The following CACNG5 variants were observed in gnomAD, a reference collection of about 807,000 sequenced individuals.
CACNG5 encodes the protein calcium voltage-gated channel auxiliary subunit gamma 5, also known as voltage-dependent calcium channel gamma-5 subunit.
In CACNG5, 18 loss-of-function variants were observed where a neutral mutation model predicts 24.8. The ratio of observed to expected loss-of-function variants is 0.73; its 90% CI spans 0.50 to 1.08. The LOEUF is 1.08. CACNG5 is among the 50% of genes least tolerant of loss of function. CACNG5 has a pLI of 0.00. For synonymous variants in CACNG5, 157 were observed against 149.1 expected (o/e 1.05, Z -0.39); for missense variants, 349 against 367.9 (o/e 0.95, Z 0.42).
chr17:66,883,968 A>G (rs902325738), intron 4 of CACNG5, among the ~76,000 whole-genome samples: 2 of 152,080 alleles, frequency 1.3e-5, no homozygotes, highest in South Asian at 2.1e-4. Context: ...CCTTGTCTCT[A>G]CTAAACACAC....
In CACNG5 at chr17:66,885,015, G is replaced by A; in HGVS notation, c.603G>A (p.Met201Ile). 2 of 1,614,126 alleles carry A rather than the reference G, an allele frequency of 1.2e-6. No homozygotes were observed. The highest frequency in any genetic ancestry group is 1.3e-5 in the African/African-American group (1 of 75,028). ...SAGVMSVYLF[M>I]KRYTAEDMYR... Reference sequence around the variant, plus strand: ...GGGTGATGTCTGTGTACCTGTTTATGAAGCGGTACACCGCGGAGGACATGT... The same window carrying A: ...GGGTGATGTCTGTGTACCTGTTTATAAAGCGGTACACCGCGGAGGACATGT... The change falls in exon 6 of 6, where the codon ATG becomes ATA. Residue 201 changes from methionine (M) to isoleucine (I), a missense_variant. Coordinates refer to ENST00000533854, the MANE Select transcript of CACNG5 (RefSeq NM_145811.3).
intron 1 of CACNG5, among the ~76,000 whole-genome samples, chr17:66,862,560 C>T (rs190133226): frequency 6.6e-6 from 1 of 152,164 alleles, no homozygotes; most frequent in East Asian, 1.9e-4. Context: ...CCAAGAATAT[C>T]ACACTTCCCA....
At chr17:66,858,009 G>C (rs1976804886) in intron 1 of CACNG5, among the ~76,000 whole-genome samples, 1 of 152,178 alleles carries the variant, frequency 6.6e-6, no homozygotes, top group Non-Finnish European at 1.5e-5. Flanking sequence ...TCCTGTCTGG[G>C]CATGGGCTCC....
At chr17:66,884,844 C>T in intron 5 of CACNG5, 139 bp from the exon 6 acceptor site, 1 of 1,613,322 alleles carries the variant, frequency 6.2e-7, no homozygotes, top group Non-Finnish European at 8.5e-7. Flanking sequence ...CTCCTCCGGC[C>T]AGGATGTCCC....
rs1977249839 is a variant in CACNG5 at position 66,885,718 on chromosome 17, G to T, written c.*478G>T. On this transcript the variant is annotated 3_prime_UTR_variant, in exon 6 of 6. Transcript: ENST00000533854. ...CACCATCTGGCCGAAAGGTGACTCT[G>T]ATATAGAGGTCTGGCTGACTTAGAC... Among the ~76,000 whole-genome samples the T allele has an allele frequency of 6.6e-6, 1 of 152,246 alleles. No homozygotes were observed. Among genetic ancestry groups the T allele is most frequent in the Admixed American group, 6.5e-5 (1 of 15,290 alleles).
At chr17:66,879,168 C>T (rs1259014738) in intron 3 of CACNG5, 110 bp downstream of exon 3, 2 of 732,220 alleles carry the variant, frequency 2.7e-6, no homozygotes, top group Admixed American at 2.2e-5. Flanking sequence ...CCCTTAGACT[C>T]AGCTGGGTGT....
At position 66,884,638 on chromosome 17, in the gene CACNG5, G is replaced by A. The variant is rs147089270; in HGVS notation, c.547G>A (p.Ala183Thr). The A allele has an allele frequency of 8.1e-6, 13 of 1,614,128 alleles. No homozygotes were observed. Among genetic ancestry groups the A allele is most frequent in the South Asian group, 1.1e-5 (1 of 91,082 alleles). Residue 183 changes from alanine to threonine, a missense_variant, in exon 5 of 6, where the codon GCC becomes ACC. Transcript: ENST00000533854. ...YKYGWSFAFA[A>T]ISFLLTESAG... ...GTATGGGTGGTCGTTTGCCTTCGCC[G>A]CCATCTCCTTCCTTTTAACGGAGGT...
intron 2 of CACNG5, among the ~76,000 whole-genome samples, chr17:66,878,099 T>C (rs1006732719): frequency 6.6e-5 from 10 of 152,226 alleles, no homozygotes; most frequent in African/African-American, 2.4e-4. Context: ...TGGTAGAGGT[T>C]TTGACCCCAC....
At chr17:66,843,336 G>A (rs758661) in intron 1 of CACNG5, among the ~76,000 whole-genome samples, 2 of 151,776 alleles carry the variant, frequency 1.3e-5, no homozygotes, top group African/African-American at 4.9e-5. Flanking sequence ...GAAGGCAAAG[G>A]GGGACAGGAC....
At chr17:66,841,410 C>T (rs112453786) in intron 1 of CACNG5, among the ~76,000 whole-genome samples, 12,947 of 152,248 alleles carry the variant, frequency 0.085, 720 homozygotes, top group South Asian at 0.17. Flanking sequence ...TTTGGGGCCC[C>T]CAAGATTTAT....
chr17:66,842,212 C>A (rs942299268), intron 1 of CACNG5, among the ~76,000 whole-genome samples: 2 of 152,114 alleles, frequency 1.3e-5, no homozygotes, highest in Admixed American at 1.3e-4. Context: ...CTCTACCAGG[C>A]AAGGCAAGGT....
chr17:66,840,506 A>G (rs1312721917), intron 1 of CACNG5, among the ~76,000 whole-genome samples: 1 of 152,192 alleles, frequency 6.6e-6, no homozygotes, highest in Non-Finnish European at 1.5e-5. Context: ...CACAGGCTCC[A>G]TTAGCAGGAT....
rs752155818 is a variant in CACNG5, at chr17:66,856,927, ATTTC to A, written c.-103-20299_-103-20296del. Among the ~76,000 whole-genome samples, 9 of 151,898 alleles carry A rather than the reference ATTTC, an allele frequency of 5.9e-5. No homozygotes were observed. In the East Asian group the frequency reaches 1.5e-3, roughly 26 times the overall value. ...CCTAACAACCACTAATCTGTTCTCC[ATTTC>A]TTTATTTTTGTCATTGCAAGAATGT... On this transcript the variant is annotated intron_variant, in intron 1 of 5. Coordinates refer to ENST00000533854, the MANE Select transcript of CACNG5 (RefSeq NM_145811.3).
At chr17:66,841,121 T>C (rs1321642855) in intron 1 of CACNG5, among the ~76,000 whole-genome samples, 2 of 152,164 alleles carry the variant, frequency 1.3e-5, no homozygotes, top group African/African-American at 2.4e-5. Context: ...AGCTTGGTTT[T>C]ATATGTTTCA....
rs766289616 is a variant in CACNG5 at position 66,880,655 on chromosome 17, A to C, written c.382A>C (p.Thr128Pro). Reference protein sequence around the residue: ...NNIGHIRPHRTILAFVSGIFF... With the variant: ...NNIGHIRPHRPILAFVSGIFF... ...CATCGGACACATCCGTCCCCACCGG[A>C]CGATACTGGCCTTTGTCTCTGGCAT... The change falls in exon 4 of 6, where the codon ACG (threonine) becomes CCG (proline). Residue 128 changes from threonine (T) to proline (P), a missense_variant. Physicochemically the swap from Thr to Pro is conservative, Grantham distance 38. Coordinates refer to ENST00000533854, the MANE Select transcript of CACNG5 (RefSeq NM_145811.3). The C allele has an allele frequency of 8.7e-6, 14 of 1,614,136 alleles. No individual in the cohort carries two copies. Among genetic ancestry groups the C allele is most frequent in the African/African-American group, 4.0e-5 (3 of 74,952 alleles).
At chr17:66,835,297 G>C (rs998261512) in intron 1 of CACNG5, 47 bp downstream of exon 1, 1 of 152,408 alleles carries the variant, frequency 6.6e-6, no homozygotes, top group Non-Finnish European at 1.5e-5. Flanking sequence ...CATCCTGGGG[G>C]GGTCCCTGGG....
At chr17:66,839,843 C>G (rs569384224) in intron 1 of CACNG5, among the ~76,000 whole-genome samples, 1 of 152,274 alleles carries the variant, frequency 6.6e-6, no homozygotes, top group South Asian at 2.1e-4. Flanking sequence ...CGCACGTGCA[C>G]TGAAGTCCTG....
chr17:66,879,050 A>G lies in CACNG5; in HGVS notation c.275A>G (p.Asn92Ser), dbSNP rs146501310. 13 of 1,613,776 alleles carry G rather than the reference A, an allele frequency of 8.1e-6. No homozygotes were observed. The African/African-American group carries it at 1.2e-4, about 15-fold the overall frequency. The change falls in exon 3 of 6, where the codon AAT becomes AGT. Residue 92 changes from asparagine to serine, a missense_variant. Physicochemically the swap from Asn to Ser is conservative, Grantham distance 46. Coordinates refer to ENST00000533854, the MANE Select transcript of CACNG5 (RefSeq NM_145811.3). Reference sequence around the variant, plus strand: ...CAGCTGACATCCGAGTCCACGGTCAATGTTCTAAGTAAGTGCCTTGAGTCT... The same window carrying G: ...CAGCTGACATCCGAGTCCACGGTCAGTGTTCTAAGTAAGTGCCTTGAGTCT... ...NTQLTSESTV[N>S]VLKMIRSATP...
Position 66,862,892 on chromosome 17 carries a change from C to CTCTCTGTGTG in CACNG5, c.-103-14337_-103-14336insCTCTGTGTGT, listed in dbSNP as rs567913804. On this transcript the variant is annotated intron_variant, in intron 1 of 5. Coordinates refer to ENST00000533854, the MANE Select transcript of CACNG5 (RefSeq NM_145811.3). ...ACAACCTTGTCTGCCAGCATATTCT[C>CTCTCTGTGTG]TGTGTGTGTGTGTGTGTGTGTGTGT... is the stretch of plus-strand genomic sequence containing the variant. 5.2e-3 allele frequency among the ~76,000 whole-genome samples: 745 copies of CTCTCTGTGTG among 142,248 alleles called. 10 individuals are homozygous for CTCTCTGTGTG. Among genetic ancestry groups the CTCTCTGTGTG allele is most frequent in the East Asian group, 0.025 (123 of 4,938 alleles). 93.3% of individuals were successfully genotyped at this position (142,248 alleles called of 152,430 possible).
Sources: allele counts gnomAD v4.1 joint callset (sites outside exome capture counted in the v4.1 genomes callset), GRCh38; gene constraint gnomAD v4.1.1; transcripts MANE v1.5; gene names NCBI Gene and HGNC (gene_info 2026-07-23, HGNC 2026-07-21).